Variants in PCDH11X observed in about 807,000 individuals in gnomAD.
The protein encoded by PCDH11X is protocadherin 11 X-linked.
PCDH11X carries 18 observed loss-of-function variants against 53.3 expected under a neutral mutation model. The observed-to-expected ratio is 0.34, with a 90% CI of 0.23 to 0.50. The LOEUF (loss-of-function observed/expected upper bound fraction) is 0.50. PCDH11X is among the 20% of genes least tolerant of loss of function. The pLI is 0.98. For synonymous variants in PCDH11X, 279 were observed against 393.3 expected (o/e 0.71, Z 3.44); for missense variants, 570 against 1,032.4 (o/e 0.55, Z 6.14).
At chrX:91,869,852 G>C (rs1032601562) in intron 5 of PCDH11X, among the ~76,000 whole-genome samples, 3 of 111,916 alleles carry the variant, frequency 2.7e-5, no homozygotes, top group African/African-American at 9.7e-5. Flanking sequence ...AAGCGAGACA[G>C]AGATAGAGTC....
intron 7 of PCDH11X, among the ~76,000 whole-genome samples, chrX:92,202,977 C>T (rs1023169600): frequency 2.7e-5 from 3 of 111,069 alleles, no homozygotes; most frequent in Non-Finnish European, 3.8e-5. Flanking sequence ...GAGCTGAGAT[C>T]GCACCACTGC....
At chrX:92,046,398 A>G (rs2063289048) in intron 6 of PCDH11X, among the ~76,000 whole-genome samples, 2 of 111,717 alleles carry the variant, frequency 1.8e-5, no homozygotes, top group African/African-American at 6.5e-5. Flanking sequence ...TTAATATAAA[A>G]GGGAAATGAT....
Position 92,445,444 on chromosome X carries a change from GA to G in PCDH11X, c.3344-22845del, listed in dbSNP as rs1355973886. 2.0e-3 allele frequency among the ~76,000 whole-genome samples: 200 copies of G among 99,491 alleles called. 1 individual carries two copies. Among genetic ancestry groups the G allele is most frequent in the Non-Finnish European group, 3.0e-3 (148 of 49,535 alleles). The allele number at this position is 99,491 out of a possible 115,157, so 86.4% of individuals were successfully genotyped here. A position where few individuals can be genotyped will look rare whatever the true frequency, so the allele number is the denominator to read the frequency against. ...TATTTTAAAATACTACAACTTGCTT[GA>G]AAAAAAAAATGATATAAATACAAGT... On this transcript the variant is annotated intron_variant, in intron 9 of 10. Coordinates refer to ENST00000682573, the MANE Select transcript of PCDH11X (RefSeq NM_032968.5).
At chrX:91,853,763 G>A (rs1045268064) in intron 5 of PCDH11X, among the ~76,000 whole-genome samples, 4 of 111,400 alleles carry the variant, frequency 3.6e-5, no homozygotes, top group Non-Finnish European at 7.5e-5. Flanking sequence ...TTTTTTAAGC[G>A]AATATTTTTA....
At chrX:92,598,509 C>T (rs1399284698) in intron 10 of PCDH11X, among the ~76,000 whole-genome samples, 1 of 104,983 alleles carries the variant, frequency 9.5e-6, no homozygotes, top group Non-Finnish European at 1.9e-5. Context: ...GATATCATCT[C>T]GCCCCAGTTA....
chrX:92,227,559 T>C (rs1044009506), intron 7 of PCDH11X, among the ~76,000 whole-genome samples: 2 of 111,720 alleles, frequency 1.8e-5, no homozygotes, highest in African/African-American at 6.5e-5. Flanking sequence ...GTAATTAGTA[T>C]GTTTTATCTC....
chrX:91,846,376 C>G (rs182537669), intron 5 of PCDH11X, among the ~76,000 whole-genome samples: 99 of 110,893 alleles, frequency 8.9e-4, no homozygotes, highest in African/African-American at 3.1e-3. Context: ...ACAGCACTTT[C>G]GGAGGCCGTG....
intron 4 of PCDH11X, among the ~76,000 whole-genome samples, chrX:91,833,073 C>T (rs1402658156): frequency 5.0e-5 from 5 of 100,004 alleles, no homozygotes; most frequent in Non-Finnish European, 1.0e-4. Flanking sequence ...CATCATTTAG[C>T]TCCCACTTAT....
At chrX:91,958,862 T>C (rs1222755509) in intron 6 of PCDH11X, among the ~76,000 whole-genome samples, 1 of 106,874 alleles carries the variant, frequency 9.4e-6, no homozygotes, top group Non-Finnish European at 1.9e-5. Context: ...TTTAAATTTA[T>C]GGAAACAACT....
intron 8 of PCDH11X, among the ~76,000 whole-genome samples, chrX:92,271,327 C>T (rs1454600652): frequency 3.6e-5 from 4 of 111,962 alleles, no homozygotes; most frequent in African/African-American, 9.7e-5. Flanking sequence ...TTTGAGGTAA[C>T]GTATTGTTAA....
intron 10 of PCDH11X, among the ~76,000 whole-genome samples, chrX:92,577,572 C>T (rs1364358630): frequency 2.8e-5 from 3 of 105,581 alleles, no homozygotes; most frequent in African/African-American, 1.0e-4. Context: ...TTAGTTATTT[C>T]TTGTCTTCTG....
chrX:91,993,258 A>T (rs1272994728), intron 6 of PCDH11X, among the ~76,000 whole-genome samples: 1 of 113,018 alleles, frequency 8.8e-6, no homozygotes, highest in African/African-American at 3.2e-5. Context: ...TTTCAGATTA[A>T]CAAGTTTGCA....
At chrX:92,141,200 T>A (rs2065173538) in intron 6 of PCDH11X, among the ~76,000 whole-genome samples, 1 of 111,788 alleles carries the variant, frequency 8.9e-6, no homozygotes, top group African/African-American at 3.2e-5. Context: ...ATCAATGGCA[T>A]GCAGGATTTT....
intron 7 of PCDH11X, among the ~76,000 whole-genome samples, chrX:92,208,028 C>A (rs926254466): frequency 9.2e-6 from 1 of 108,736 alleles, no homozygotes; most frequent in East Asian, 2.9e-4. Context: ...AACCCCGTCT[C>A]TATTAAAAAT....
intron 6 of PCDH11X, among the ~76,000 whole-genome samples, chrX:92,128,877 G>A (rs2064920505): frequency 9.1e-6 from 1 of 109,669 alleles, no homozygotes; most frequent in South Asian, 3.8e-4. Context: ...TAATATTATA[G>A]CAGCATAATA....
intron 6 of PCDH11X, chrX:91,983,392 C>G: frequency 1.0e-6 from 1 of 988,004 alleles, no homozygotes; most frequent in Admixed American, 2.2e-5. Context: ...TAAATTCCAA[C>G]CCATTCTCAG....
intron 10 of PCDH11X, among the ~76,000 whole-genome samples, chrX:92,478,109 G>A (rs1377280621): frequency 9.0e-6 from 1 of 110,526 alleles, no homozygotes; most frequent in African/African-American, 3.3e-5. Context: ...TCCTTCACAT[G>A]TTCTTTCTCC....
intron 9 of PCDH11X, among the ~76,000 whole-genome samples, chrX:92,447,491 T>G (rs2072680269): frequency 9.0e-6 from 1 of 111,587 alleles, no homozygotes; most frequent in African/African-American, 3.3e-5. Context: ...GCTCCAAGCC[T>G]TGGCAGCTTC....
intron 6 of PCDH11X, among the ~76,000 whole-genome samples, chrX:91,962,541 G>A (rs1348939697): frequency 1.8e-5 from 2 of 112,013 alleles, no homozygotes; most frequent in African/African-American, 6.5e-5. Context: ...GGCAATGAGT[G>A]TCTGTGGGTT....
Sources: gnomAD v4.1 joint callset for allele counts (sites outside exome capture counted in the v4.1 genomes callset) on GRCh38, gnomAD v4.1.1 for gene constraint, MANE v1.5 for transcripts, NCBI Gene and HGNC (gene_info 2026-07-23, HGNC 2026-07-21) for gene names.